Variants in DDB1 observed in about 807,000 individuals in gnomAD.
The protein encoded by DDB1 is DNA damage-binding protein 1.
In DDB1, 18 loss-of-function variants were observed where a neutral mutation model predicts 133.1. That is an observed-to-expected ratio of 0.14 (90% CI 0.09 to 0.20). DDB1 has a LOEUF of 0.20. Ranked by LOEUF, DDB1 falls within the 10% of genes least tolerant of loss-of-function variation. The pLI, the probability that DDB1 is intolerant of heterozygous loss-of-function variation, is 1.00. For synonymous variants in DDB1, 580 were observed against 550.5 expected (o/e 1.05, Z -0.75); for missense variants, 828 against 1,459.2 (o/e 0.57, Z 7.05).
At position 61,316,946 on chromosome 11, in the gene DDB1, GATATATATATAT is replaced by G. The variant is rs58564398; in HGVS notation, c.1226-391_1226-380del. ...AAAAAAAAAAAAAAAAAAAAGGATA[GATATATATATAT>G]ATATATATATATATATATATATATA... On this transcript the variant is annotated intron_variant, in intron 10 of 26. Coordinates refer to ENST00000301764, the MANE Select transcript of DDB1 (RefSeq NM_001923.5). 2.3e-3 allele frequency among the ~76,000 whole-genome samples: 68 copies of G among 29,064 alleles called. 2 individuals are homozygous for G. Among genetic ancestry groups the G allele is most frequent in the East Asian group, 0.017 (7 of 410 alleles). 19.1% of individuals were successfully genotyped at this position (29,064 alleles called of 152,430 possible).
At chr11:61,320,726 C>G (rs1395482958) in intron 10 of DDB1, among the ~76,000 whole-genome samples, 2 of 152,144 alleles carry the variant, frequency 1.3e-5, no homozygotes, top group Non-Finnish European at 2.9e-5. Context: ...CTCCTATATA[C>G]AACTTTAAGG....
intron 21 of DDB1, among the ~76,000 whole-genome samples, chr11:61,308,197 C>G (rs948635088): frequency 1.8e-4 from 28 of 152,198 alleles, no homozygotes; most frequent in African/African-American, 6.3e-4. Context: ...CATCTCTCAC[C>G]AGAACACCAG....
chr11:61,319,390 G>A (rs562881183), intron 10 of DDB1, among the ~76,000 whole-genome samples: 60 of 151,964 alleles, frequency 3.9e-4, no homozygotes, highest in Non-Finnish European at 7.8e-4. Context: ...TTAACAGTAT[G>A]CTTCAGTATC....
intron 21 of DDB1, 145 bp from the exon 22 acceptor site, chr11:61,304,180 A>C: frequency 1.4e-6 from 1 of 713,650 alleles, no homozygotes; most frequent in East Asian, 2.6e-5. Flanking sequence ...ACTGGGGTGA[A>C]CATTTATTAT....
At chr11:61,311,486 G>A (rs896115123) in intron 18 of DDB1, 9 of 305,620 alleles carry the variant, frequency 2.9e-5, no homozygotes, top group African/African-American at 8.7e-5. Flanking sequence ...CCGTTCTGTC[G>A]GACTCCAAAC....
At chr11:61,321,190 G>C (rs1043714165) in intron 10 of DDB1, 1 of 155,268 alleles carries the variant, frequency 6.4e-6, no homozygotes, top group African/African-American at 2.4e-5. Context: ...CCTAGCCTCT[G>C]ATCTTTTTTT....
intron 10 of DDB1, among the ~76,000 whole-genome samples, chr11:61,320,929 A>G (rs1004113273): frequency 6.6e-6 from 1 of 151,614 alleles, no homozygotes; most frequent in Non-Finnish European, 1.5e-5. Context: ...TGTCGCCCAA[A>G]CTAGAGTGCA....
intron 4 of DDB1, among the ~76,000 whole-genome samples, chr11:61,328,697 C>T (rs544428522): frequency 4.2e-4 from 64 of 152,162 alleles, no homozygotes; most frequent in African/African-American, 1.5e-3. Flanking sequence ...ATGGTGAAAC[C>T]ACGTCTCTAC....
chr11:61,322,485 T>A (rs373486414), intron 8 of DDB1, 73 bp from the exon 9 acceptor site: 1 of 1,151,274 alleles, frequency 8.7e-7, no homozygotes. Flanking sequence ...ATGGTTATTG[T>A]CCAAAAGAAA....
chr11:61,323,372 T>C (rs1856217087), intron 7 of DDB1: 1 of 399,380 alleles, frequency 2.5e-6, no homozygotes, highest in African/African-American at 2.0e-5. Context: ...ATTAAACTTT[T>C]TGGGAGCCTC....
At chr11:61,313,741 A>C in intron 15 of DDB1, 35 bp from the exon 16 acceptor site, 1 of 1,582,552 alleles carries the variant, frequency 6.3e-7, no homozygotes, top group Admixed American at 1.9e-5. Flanking sequence ...AAAGGAAGAA[A>C]GAAAACAGGA....
chr11:61,326,037 C>G, intron 5 of DDB1: 1 of 367,600 alleles, frequency 2.7e-6, no homozygotes, highest in African/African-American at 2.1e-5. Context: ...AAAGCTTTTA[C>G]TTTTTTTTCC....
chr11:61,326,719 C>T, intron 5 of DDB1, 60 bp downstream of exon 5: 1 of 1,399,412 alleles, frequency 7.1e-7, no homozygotes, highest in Non-Finnish European at 1.0e-6. Context: ...AGGGAGCGAA[C>T]AAGAACAGGG....
chr11:61,303,379 T>C (rs1590678413), intron 22 of DDB1: 5 of 482,862 alleles, frequency 1.0e-5, no homozygotes, highest in Non-Finnish European at 1.9e-5. Flanking sequence ...AGAGTTTGAG[T>C]TGGGAGTCTC....
Position 61,329,992 on chromosome 11 carries a change from A to G in DDB1, c.293T>C (p.Ile98Thr). 6.2e-7 allele frequency: 1 copy of G among 1,613,866 alleles called. No homozygotes were observed. The highest frequency in any genetic ancestry group is 8.5e-7 in the Non-Finnish European group (1 of 1,179,770). ...ILEYKQSGESIDIITRAHGNV... is the reference protein window; with the variant it reads ...ILEYKQSGESTDIITRAHGNV... ...GCCATGGGCTCGCGTAATGATGTCAATGCTCTCGCCACTCTGTTTATACTC... is the reference window on the plus strand; with the variant it reads ...GCCATGGGCTCGCGTAATGATGTCAGTGCTCTCGCCACTCTGTTTATACTC... The change falls in exon 3 of 27, where the codon ATT becomes ACT. Residue 98 changes from isoleucine (I) to threonine (T), a missense_variant. This residue lies in a region of DDB1 where 210 missense variants were observed against 344.8 expected (regional missense o/e 0.61). Transcript: ENST00000301764.
intron 22 of DDB1, chr11:61,303,425 A>G (rs1347366431): frequency 2.6e-6 from 1 of 379,498 alleles, no homozygotes; most frequent in Non-Finnish European, 4.9e-6. Flanking sequence ...ACAGTGGCTC[A>G]CGCCTGTAAT....
At chr11:61,318,356 C>T (rs978006926) in intron 10 of DDB1, among the ~76,000 whole-genome samples, 9 of 152,114 alleles carry the variant, frequency 5.9e-5, no homozygotes, top group Admixed American at 1.3e-4. Flanking sequence ...CTAAGTAAAT[C>T]GCTAACTGCT....
chr11:61,300,940 G>A lies in DDB1; in HGVS notation c.3216-8C>T, dbSNP rs779612763. On this transcript the variant is annotated splice_region_variant and splice_polypyrimidine_tract_variant and intron_variant, in intron 25 of 26. Transcript: ENST00000301764. ...GTGTGAAAGGATCTCCAGGTGGATG[G>A]GTGAGTTAAGGAACACGTGCTTATC... 3.7e-6 allele frequency: 6 copies of A among 1,614,066 alleles called. No individual in the cohort carries two copies. Among genetic ancestry groups the A allele is most frequent in the Middle Eastern group, 1.6e-4 (1 of 6,062 alleles).
At chr11:61,303,843 C>G (rs566496375) in intron 22 of DDB1, 22 bp downstream of exon 22, 1 of 1,612,572 alleles carries the variant, frequency 6.2e-7, no homozygotes, top group East Asian at 2.2e-5. Context: ...GAAGTCTGCT[C>G]GCATCCCCCC....
Sources: gnomAD v4.1 joint callset for allele counts (sites outside exome capture counted in the v4.1 genomes callset) on GRCh38, gnomAD v4.1.1 for gene constraint, gnomAD v4.1.1 regional missense constraint, MANE v1.5 for transcripts, NCBI Gene and HGNC (gene_info 2026-07-23, HGNC 2026-07-21) for gene names.